The following LRP1B variants were observed in gnomAD, a reference collection of about 807,000 sequenced individuals.
LRP1B encodes the protein LDL receptor related protein 1B, also known as low-density lipoprotein receptor-related protein 1B.
A neutral mutation model predicts 556.6 loss-of-function variants in LRP1B; 217 were observed. That is an observed-to-expected ratio of 0.39 (90% CI 0.35 to 0.44). The LOEUF (loss-of-function observed/expected upper bound fraction) is 0.44. Among genes scored for constraint, LRP1B ranks in the 20% least tolerant of loss-of-function variants. The probability of loss-of-function intolerance (pLI) is 1.00; values close to 1 mark genes in which losing one functional copy is unlikely to be tolerated. For synonymous variants in LRP1B, 2,047 were observed against 1,865.8 expected, an observed-to-expected ratio of 1.10 and a Z score of -2.50; for missense variants, 5,053 against 5,620.8, an observed-to-expected ratio of 0.90 and a Z score of 3.23.
chr2:142,080,478 T>C lies in LRP1B; in HGVS notation c.82+50170A>G, dbSNP rs1705668831. On this transcript the variant is annotated intron_variant, in intron 1 of 90. Transcript: ENST00000389484. ...CTTTGTCTTTAAATAATCACTTTGT[T>C]ACCATTCAGCATTAAGAAATGGAAG... Among the ~76,000 whole-genome samples, 4 of 152,192 alleles carry C rather than the reference T, an allele frequency of 2.6e-5. No homozygotes were observed. In the South Asian group the frequency reaches 8.3e-4, roughly 32 times the overall value.
chr2:140,575,262 C>A, intron 43 of LRP1B, among the ~76,000 whole-genome samples: 1 of 152,118 alleles, frequency 6.6e-6, no homozygotes. Flanking sequence ...AAGTTATCTG[C>A]ATAATCTCTA....
At chr2:140,691,077 C>G (rs1292652621) in intron 41 of LRP1B, among the ~76,000 whole-genome samples, 2 of 152,008 alleles carry the variant, frequency 1.3e-5, no homozygotes, top group Admixed American at 6.6e-5. Context: ...AAAAAAAGAA[C>G]AATTAACAAA....
chr2:140,331,646 A>G (rs1054180054), intron 79 of LRP1B, among the ~76,000 whole-genome samples: 16 of 149,602 alleles, frequency 1.1e-4, no homozygotes, highest in African/African-American at 3.9e-4. Flanking sequence ...ATTATTTCAT[A>G]TATCTGGCAT....
chr2:141,489,686 CT>C (rs1465393453), intron 2 of LRP1B, among the ~76,000 whole-genome samples: 1 of 152,010 alleles, frequency 6.6e-6, no homozygotes, highest in African/African-American at 2.4e-5. Context: ...ATACAAATTA[CT>C]TTTACGTCTG....
At chr2:141,139,520 T>C (rs1701578454) in intron 7 of LRP1B, among the ~76,000 whole-genome samples, 1 of 150,890 alleles carries the variant, frequency 6.6e-6, no homozygotes, top group African/African-American at 2.4e-5. Context: ...AAAAAAATTA[T>C]CCTACACAAA....
chr2:140,729,590 A>G (rs562565304), intron 35 of LRP1B, among the ~76,000 whole-genome samples: 1 of 152,290 alleles, frequency 6.6e-6, no homozygotes, highest in East Asian at 1.9e-4. Context: ...AATTGTTTTA[A>G]TGTGAATCAA....
intron 35 of LRP1B, 53 bp downstream of exon 35, chr2:140,769,160 T>C (rs1689216077): frequency 6.6e-7 from 1 of 1,517,018 alleles, no homozygotes; most frequent in South Asian, 1.1e-5. Flanking sequence ...CCATCATGTT[T>C]AATAAATCAA....
At chr2:140,893,769 A>AG (rs750055580) in intron 23 of LRP1B, among the ~76,000 whole-genome samples, 54 of 152,298 alleles carry the variant, frequency 3.5e-4, no homozygotes, top group Non-Finnish European at 7.5e-4. Flanking sequence ...ATTGTTATTA[A>AG]GTCATAGATG....
rs562868767 is a variant in LRP1B at position 141,244,234 on chromosome 2, T to C, written c.592+2992A>G. Among the ~76,000 whole-genome samples, 7 of 152,332 alleles carry C rather than the reference T, an allele frequency of 4.6e-5. No individual in the cohort carries two copies. In the South Asian group the frequency reaches 1.2e-3, roughly 27 times the overall value. ...GTACTGTCTTTGCAAAATCATATTC[T>C]TGGTCTAGTTCTAGCTTTCCATTGC... On this transcript the variant is annotated intron_variant, in intron 5 of 90. Coordinates refer to ENST00000389484, the MANE Select transcript of LRP1B (RefSeq NM_018557.3).
chr2:142,038,104 C>T (rs941376827), intron 1 of LRP1B, among the ~76,000 whole-genome samples: 1 of 151,428 alleles, frequency 6.6e-6, no homozygotes, highest in Admixed American at 6.6e-5. Flanking sequence ...TTTAAAGCAA[C>T]ACTTTTGATC....
chr2:140,562,652 G>T (rs999749639), intron 43 of LRP1B, among the ~76,000 whole-genome samples: 15 of 151,694 alleles, frequency 9.9e-5, no homozygotes, highest in Non-Finnish European at 2.1e-4. Flanking sequence ...ACACAGTCTT[G>T]CTCTGTCACC....
At chr2:141,671,526 T>C (rs1195078852) in intron 2 of LRP1B, among the ~76,000 whole-genome samples, 1 of 152,034 alleles carries the variant, frequency 6.6e-6, no homozygotes, top group Non-Finnish European at 1.5e-5. Context: ...AATACTGGGG[T>C]GTGTTTATAC....
At chr2:141,168,077 G>T (rs1680343269) in intron 7 of LRP1B, among the ~76,000 whole-genome samples, 2 of 151,900 alleles carry the variant, frequency 1.3e-5, no homozygotes, top group African/African-American at 2.4e-5. Flanking sequence ...AGAAGCGATG[G>T]GAATCAGGGT....
chr2:141,880,552 A>T (rs1698922813), intron 1 of LRP1B, among the ~76,000 whole-genome samples: 1 of 152,092 alleles, frequency 6.6e-6, no homozygotes, highest in Admixed American at 6.6e-5. Context: ...GGAAATAAAA[A>T]TTAGACAATA....
At chr2:141,519,382 T>TTC (rs1319546989) in intron 2 of LRP1B, among the ~76,000 whole-genome samples, 1 of 62,824 alleles carries the variant, frequency 1.6e-5, no homozygotes. Flanking sequence ...TATATATATA[T>TTC]ATATATATAT....
chr2:140,811,615 G>A (rs978578583), intron 32 of LRP1B, among the ~76,000 whole-genome samples: 1 of 152,060 alleles, frequency 6.6e-6, no homozygotes, highest in African/African-American at 2.4e-5. Context: ...CATAATGTGG[G>A]TGATGATTTA....
intron 1 of LRP1B, among the ~76,000 whole-genome samples, chr2:141,884,015 T>C (rs756739169): frequency 5.9e-5 from 9 of 152,318 alleles, no homozygotes; most frequent in Non-Finnish European, 1.0e-4. Flanking sequence ...ACAAATTTTA[T>C]ACTTAAACAT....
At chr2:140,486,840 T>C (rs1456065630) in intron 58 of LRP1B, among the ~76,000 whole-genome samples, 2 of 151,848 alleles carry the variant, frequency 1.3e-5, no homozygotes, top group African/African-American at 4.8e-5. Flanking sequence ...GAATCCAGCT[T>C]ACTATTTGTT....
intron 3 of LRP1B, among the ~76,000 whole-genome samples, chr2:141,374,963 G>C (rs1689373342): frequency 6.6e-6 from 1 of 152,126 alleles, no homozygotes; most frequent in Non-Finnish European, 1.5e-5. Flanking sequence ...CTGTGTCCTT[G>C]TGTTGACATC....
Sources: gnomAD v4.1 joint callset for allele counts (sites outside exome capture counted in the v4.1 genomes callset) on GRCh38, gnomAD v4.1.1 for gene constraint, MANE v1.5 for transcripts, NCBI Gene and HGNC (gene_info 2026-07-23, HGNC 2026-07-21) for gene names.